Variants in SNTG2 observed in about 807,000 individuals in gnomAD.
SNTG2 encodes syntrophin gamma 2.
In SNTG2, 74 loss-of-function variants were observed where a neutral mutation model predicts 70.9. That is an observed-to-expected ratio of 1.04 (90% CI 0.86 to 1.27). The LOEUF (loss-of-function observed/expected upper bound fraction) is 1.27, where lower values mean the gene tolerates loss of function less well. SNTG2 is among the 50% of genes most tolerant of loss of function. The pLI is 0.00. For missense variants in SNTG2, 717 were observed against 690.7 expected (o/e 1.04, Z -0.43); for synonymous variants, 278 against 273.8 (o/e 1.02, Z -0.15).
chr2:1,071,395 G>A (rs1482201431), intron 1 of SNTG2, among the ~76,000 whole-genome samples: 43 of 148,444 alleles, frequency 2.9e-4, no homozygotes, highest in Admixed American at 2.6e-3. Flanking sequence ...GTAAACTATC[G>A]CAAGAACAAA....
chr2:1,189,654 G>T (rs950792408), intron 8 of SNTG2, among the ~76,000 whole-genome samples: 2 of 151,928 alleles, frequency 1.3e-5, no homozygotes, highest in Non-Finnish European at 2.9e-5. Flanking sequence ...TGCCTCCCGG[G>T]TTCAAGTGAT....
At chr2:1,291,694 C>T (rs1404159283) in intron 14 of SNTG2, among the ~76,000 whole-genome samples, 1 of 152,168 alleles carries the variant, frequency 6.6e-6, no homozygotes, top group Non-Finnish European at 1.5e-5. Context: ...TGTTCTGTTC[C>T]ATTGATCTAT....
rs1207539886 is a variant in SNTG2, at chr2:1,308,483, C to CT, written c.1285-5dup. On this transcript the variant is annotated splice_polypyrimidine_tract_variant and intron_variant, in intron 14 of 16. Coordinates refer to ENST00000308624, the MANE Select transcript of SNTG2 (RefSeq NM_018968.4). ...AAAGAATGTTTTCTCAAAATTGATA[C>CT]TTTTTTCTAGTCCAGAACATACATG... 10 of 1,549,262 alleles carry CT rather than the reference C, an allele frequency of 6.5e-6. No individual in the cohort carries two copies. The East Asian group carries it at 2.2e-4, about 34-fold the overall frequency.
At chr2:1,211,068 G>A (rs1182375782) in intron 9 of SNTG2, among the ~76,000 whole-genome samples, 1 of 152,214 alleles carries the variant, frequency 6.6e-6, no homozygotes, top group Non-Finnish European at 1.5e-5. Flanking sequence ...AATATAGATA[G>A]ATTACAGAGA....
chr2:1,170,116 A>T (rs1209704582), intron 7 of SNTG2, among the ~76,000 whole-genome samples: 1 of 152,058 alleles, frequency 6.6e-6, no homozygotes, highest in Non-Finnish European at 1.5e-5. Flanking sequence ...CTGTGCGGAA[A>T]ATGTCCAGTT....
At chr2:1,266,181 G>C (rs1678720360) in intron 13 of SNTG2, among the ~76,000 whole-genome samples, 1 of 152,208 alleles carries the variant, frequency 6.6e-6, no homozygotes, top group South Asian at 2.1e-4. Context: ...GAGACAGAGA[G>C]AGAGAGAGAG....
chr2:1,157,569 A>G (rs1456913638), intron 6 of SNTG2, among the ~76,000 whole-genome samples: 1 of 152,234 alleles, frequency 6.6e-6, no homozygotes, highest in African/African-American at 2.4e-5. Context: ...ACTGGGTTTC[A>G]ATGTTGAAAG....
At chr2:1,299,176 C>T (rs1463011358) in intron 14 of SNTG2, among the ~76,000 whole-genome samples, 2 of 152,214 alleles carry the variant, frequency 1.3e-5, no homozygotes, top group African/African-American at 2.4e-5. Flanking sequence ...AGGAACATGC[C>T]CTGCACTGCT....
intron 16 of SNTG2, among the ~76,000 whole-genome samples, chr2:1,330,814 G>T (rs894311262): frequency 1.3e-5 from 2 of 152,174 alleles, no homozygotes; most frequent in Admixed American, 1.3e-4. Flanking sequence ...TGCCAACGGG[G>T]TGCCCCTTAA....
At chr2:1,289,641 T>C (rs34489512) in intron 14 of SNTG2, among the ~76,000 whole-genome samples, 3,795 of 152,252 alleles carry the variant, frequency 0.025, 63 homozygotes, top group East Asian at 0.049. Context: ...AAAAATGTGG[T>C]GAAATATACA....
intron 14 of SNTG2, among the ~76,000 whole-genome samples, chr2:1,299,306 A>C (rs1388127735): frequency 6.6e-6 from 1 of 152,188 alleles, no homozygotes; most frequent in African/African-American, 2.4e-5. Context: ...AAAACAACAG[A>C]AATTTATCCT....
At chr2:975,140 A>G (rs1207812631) in intron 1 of SNTG2, among the ~76,000 whole-genome samples, 3 of 150,098 alleles carry the variant, frequency 2.0e-5, no homozygotes, top group African/African-American at 7.4e-5. Flanking sequence ...CGTGAGCAAT[A>G]ACACCACACC....
At chr2:1,035,122 A>T (rs1661059538) in intron 1 of SNTG2, among the ~76,000 whole-genome samples, 1 of 152,254 alleles carries the variant, frequency 6.6e-6, no homozygotes, top group African/African-American at 2.4e-5. Flanking sequence ...CTTTTGGGTA[A>T]ATAATGAAAT....
rs1365634889 is a variant in SNTG2, at chr2:1,367,217, CCTGT to C, written c.1489-123_1489-120del. 12 of 857,974 alleles carry C rather than the reference CCTGT, an allele frequency of 1.4e-5. No homozygotes were observed. The East Asian group carries it at 1.7e-4, about 12-fold the overall frequency. 53.1% of individuals were successfully genotyped at this position (857,974 alleles called of 1,614,324 possible). A position where few individuals can be genotyped will look rare whatever the true frequency, so the allele number is the denominator to read the frequency against. ...CTTTTACTTTAAACCATACATATTT[CCTGT>C]CTATTATTATTTTTTTGGAGGGACT... On this transcript the variant is annotated intron_variant, in intron 16 of 16. Coordinates refer to ENST00000308624, the MANE Select transcript of SNTG2 (RefSeq NM_018968.4).
intron 4 of SNTG2, among the ~76,000 whole-genome samples, chr2:1,120,485 C>A (rs1260955846): frequency 6.6e-6 from 1 of 152,056 alleles, no homozygotes; most frequent in African/African-American, 2.4e-5. Context: ...AAGAGATGAT[C>A]CCAACTATAT....
intron 16 of SNTG2, among the ~76,000 whole-genome samples, chr2:1,332,977 A>G (rs1659608821): frequency 6.6e-6 from 1 of 152,196 alleles, no homozygotes; most frequent in Non-Finnish European, 1.5e-5. Flanking sequence ...AGAAAAACAA[A>G]TCAATGACAT....
At chr2:975,015 A>C in intron 1 of SNTG2, among the ~76,000 whole-genome samples, 1 of 152,192 alleles carries the variant, frequency 6.6e-6, no homozygotes, top group Non-Finnish European at 1.5e-5. Flanking sequence ...AAGGTGAAAC[A>C]TACACATGGA....
At chr2:1,339,800 T>C (rs939374762) in intron 16 of SNTG2, among the ~76,000 whole-genome samples, 1 of 152,202 alleles carries the variant, frequency 6.6e-6, no homozygotes, top group African/African-American at 2.4e-5. Context: ...AGCTGTGCAC[T>C]GGCATCTGCA....
intron 4 of SNTG2, among the ~76,000 whole-genome samples, chr2:1,128,385 A>G (rs926408580): frequency 2.6e-5 from 4 of 152,158 alleles, no homozygotes; most frequent in African/African-American, 9.7e-5. Context: ...ATGAATACAT[A>G]AAAAAATTTG....
Sources: allele counts gnomAD v4.1 joint callset (sites outside exome capture counted in the v4.1 genomes callset), GRCh38; gene constraint gnomAD v4.1.1; transcripts MANE v1.5; gene names NCBI Gene and HGNC (gene_info 2026-07-23, HGNC 2026-07-21).